The following MGAT4C variants were observed in gnomAD, a reference collection of about 807,000 sequenced individuals.
The protein encoded by MGAT4C is MGAT4 family member C.
In MGAT4C, 19 loss-of-function variants were observed where a neutral mutation model predicts 40.1. That is an observed-to-expected ratio of 0.47 (90% CI 0.33 to 0.70). The LOEUF (loss-of-function observed/expected upper bound fraction) is 0.70, where lower values mean the gene tolerates loss of function less well. Ranked by LOEUF, MGAT4C falls within the 30% of genes least tolerant of loss-of-function variation. The pLI is 0.02. For missense variants in MGAT4C, 491 were observed against 563.2 expected (o/e 0.87, Z 1.30); for synonymous variants, 181 against 187.1 (o/e 0.97, Z 0.27).
intron 2 of MGAT4C, among the ~76,000 whole-genome samples, chr12:86,500,406 A>G (rs1958320216): frequency 6.6e-6 from 1 of 151,912 alleles, no homozygotes; most frequent in African/African-American, 2.4e-5. Flanking sequence ...CAGAATAAAG[A>G]CAGTATATAA....
intron 1 of MGAT4C, among the ~76,000 whole-genome samples, chr12:86,195,916 A>T (rs1394960661): frequency 6.6e-6 from 1 of 152,134 alleles, no homozygotes; most frequent in Non-Finnish European, 1.5e-5. Context: ...CCTGTTTCCC[A>T]TATTATTCCC....
chr12:86,194,074 T>G (rs889632782), intron 1 of MGAT4C, among the ~76,000 whole-genome samples: 4 of 152,136 alleles, frequency 2.6e-5, no homozygotes, highest in African/African-American at 9.6e-5. Context: ...AATGTATTTT[T>G]TTCTGTTATC....
chr12:86,577,934 A>C (rs1278296352), intron 2 of MGAT4C, among the ~76,000 whole-genome samples: 3 of 151,740 alleles, frequency 2.0e-5, no homozygotes, highest in Non-Finnish European at 4.4e-5. Context: ...GTAGGGTCAT[A>C]AGACAGCTCA....
intron 1 of MGAT4C, among the ~76,000 whole-genome samples, chr12:86,126,013 T>C (rs1880195411): frequency 6.6e-6 from 1 of 151,880 alleles, no homozygotes; most frequent in Admixed American, 6.6e-5. Flanking sequence ...ACACACAAGA[T>C]TGAATCTACT....
intron 2 of MGAT4C, among the ~76,000 whole-genome samples, chr12:86,610,480 G>T (rs904293450): frequency 7.9e-5 from 12 of 151,938 alleles, no homozygotes; most frequent in Non-Finnish European, 8.8e-5. Flanking sequence ...TTTTAATATT[G>T]CCTGATGTAT....
chr12:86,172,381 T>C lies in MGAT4C; in HGVS notation c.-57+83858A>G, dbSNP rs17013675. On this transcript the variant is annotated intron_variant, in intron 1 of 4. Transcript: ENST00000611864. ...GTGTTAACCCGATATAATTGTCCAA[T>C]AAAATTTCTATATTTTTATTTCATT... Among the ~76,000 whole-genome samples, 141 of 152,304 alleles carry C rather than the reference T, an allele frequency of 9.3e-4. 1 individual carries two copies. Among genetic ancestry groups the C allele is most frequent in the African/African-American group, 3.3e-3 (138 of 41,588 alleles).
At chr12:86,350,968 C>CAT (rs1176692307) in intron 3 of MGAT4C, among the ~76,000 whole-genome samples, 2 of 150,590 alleles carry the variant, frequency 1.3e-5, no homozygotes, top group Non-Finnish European at 3.0e-5. Context: ...TTTTTCCCAC[C>CAT]ATATATATAT....
At chr12:86,235,330 A>G (rs1389697259) in intron 1 of MGAT4C, among the ~76,000 whole-genome samples, 1 of 152,092 alleles carries the variant, frequency 6.6e-6, no homozygotes, top group East Asian at 1.9e-4. Flanking sequence ...AAGATTATCT[A>G]GCTTCAGTCC....
intron 2 of MGAT4C, among the ~76,000 whole-genome samples, chr12:86,490,507 T>A (rs761147887): frequency 2.7e-5 from 4 of 149,974 alleles, no homozygotes; most frequent in Non-Finnish European, 5.9e-5. Flanking sequence ...AGGAAGAAAC[T>A]GCATCAATTA....
In MGAT4C at chr12:86,235,463, G is replaced by A. The variant is rs75584174; in HGVS notation, c.-57+20776C>T. On this transcript the variant is annotated intron_variant, in intron 1 of 4. Transcript: ENST00000611864. ...ATTACAACATAAACTACATACTAAG[G>A]CGTTACAAGATTTATTTTGTAATAG... 7.9e-5 allele frequency among the ~76,000 whole-genome samples: 12 copies of A among 152,010 alleles called. No individual in the cohort carries two copies. In the East Asian group the frequency reaches 2.3e-3, roughly 29 times the overall value.
intron 1 of MGAT4C, among the ~76,000 whole-genome samples, chr12:86,057,506 T>C (rs943916795): frequency 6.6e-6 from 1 of 152,210 alleles, no homozygotes; most frequent in African/African-American, 2.4e-5. Context: ...ACACATTTCA[T>C]GTGAGCTTTC....
chr12:86,396,904 G>A (rs554711515), intron 3 of MGAT4C, among the ~76,000 whole-genome samples: 2 of 20,070 alleles, frequency 1.0e-4, no homozygotes, highest in Non-Finnish European at 1.9e-4. Context: ...ATTTCTGCTA[G>A]TCTTCCTTCT....
At chr12:86,812,496 A>G (rs1952497918) in intron 1 of MGAT4C, among the ~76,000 whole-genome samples, 2 of 152,010 alleles carry the variant, frequency 1.3e-5, no homozygotes. Context: ...TGAGGACACA[A>G]TTGGGATTGT....
intron 1 of MGAT4C, among the ~76,000 whole-genome samples, chr12:86,088,057 A>C (rs896645460): frequency 5.3e-5 from 8 of 151,770 alleles, no homozygotes; most frequent in Non-Finnish European, 7.4e-5. Flanking sequence ...ACAGAACAGA[A>C]CCCAGAAATA....
intron 2 of MGAT4C, among the ~76,000 whole-genome samples, chr12:86,566,209 G>A (rs1200074179): frequency 6.6e-6 from 1 of 152,032 alleles, no homozygotes; most frequent in African/African-American, 2.4e-5. Flanking sequence ...GGGTGTGTCT[G>A]TGATGGTGTT....
rs560473877 is a variant in MGAT4C, at chr12:86,227,366, G to A, written c.-57+28873C>T. On this transcript the variant is annotated intron_variant, in intron 1 of 4. Coordinates refer to ENST00000611864, the MANE Select transcript of MGAT4C (RefSeq NM_001351288.2). The stretch of plus-strand genomic sequence containing the variant: ...GCTCTGTTGCTAAGGTCCCAGTTAA[G>A]CCACCATCATCTCTCATCTGACTTA... Among the ~76,000 whole-genome samples, 10 of 151,908 alleles carry A rather than the reference G, an allele frequency of 6.6e-5. No individual in the cohort carries two copies. The South Asian group carries it at 2.1e-3, about 32-fold the overall frequency.
chr12:86,476,126 T>C (rs1957832096), intron 2 of MGAT4C, among the ~76,000 whole-genome samples: 1 of 152,154 alleles, frequency 6.6e-6, no homozygotes, highest in Non-Finnish European at 1.5e-5. Context: ...AAATACAATA[T>C]GATGCAATAT....
At chr12:86,797,970 C>A (rs1299692812) in intron 1 of MGAT4C, among the ~76,000 whole-genome samples, 2 of 151,902 alleles carry the variant, frequency 1.3e-5, no homozygotes, top group South Asian at 2.1e-4. Context: ...ATAATCATGT[C>A]ATTAACTTGT....
chr12:86,021,919 G>C (rs1399371104), intron 2 of MGAT4C, among the ~76,000 whole-genome samples: 1 of 152,036 alleles, frequency 6.6e-6, no homozygotes, highest in East Asian at 1.9e-4. Flanking sequence ...CTTGAATTCA[G>C]TACTACCAAA....
Sources: allele counts gnomAD v4.1 joint callset (sites outside exome capture counted in the v4.1 genomes callset), GRCh38; gene constraint gnomAD v4.1.1; transcripts MANE v1.5; gene names NCBI Gene and HGNC (gene_info 2026-07-23, HGNC 2026-07-21).